Variants in CLIC5 observed in about 807,000 individuals in gnomAD.
CLIC5 encodes chloride intracellular channel protein 5.
CLIC5 carries 20 observed loss-of-function variants against 24.7 expected under a neutral mutation model. That is an observed-to-expected ratio of 0.81 (90% CI 0.57 to 1.18). The LOEUF (loss-of-function observed/expected upper bound fraction) is 1.18, where lower values mean the gene tolerates loss of function less well. Among genes scored for constraint, CLIC5 ranks in the 50% most tolerant of loss-of-function variants. The pLI, the probability that CLIC5 is intolerant of heterozygous loss-of-function variation, is 0.00. For synonymous variants in CLIC5, 159 were observed against 135.6 expected (o/e 1.17, Z -1.20); for missense variants, 341 against 326.1 (o/e 1.05, Z -0.35).
At chr6:46,038,097 C>G (rs1171279534) in intron 1 of CLIC5, among the ~76,000 whole-genome samples, 1 of 152,060 alleles carries the variant, frequency 6.6e-6, no homozygotes, top group Non-Finnish European at 1.5e-5. Flanking sequence ...CCTCTGGTAG[C>G]TATTCTTCAG....
chr6:45,901,361 C>T lies in CLIC5; in HGVS notation c.*1727G>A, dbSNP rs1762507554. On this transcript the variant is annotated 3_prime_UTR_variant, in exon 6 of 6. Transcript: ENST00000339561. ...TCTTCCTCAATGGGCTCTAGGAGAC[C>T]TCCTGCTTCCTCTCCTCTGATTTGA... The T allele has an allele frequency of 6.6e-6, 1 of 152,174 alleles. No individual in the cohort carries two copies. Among genetic ancestry groups the T allele is most frequent in the African/African-American group, 2.4e-5 (1 of 41,440 alleles). The allele number at this position is 152,174 out of a possible 1,614,324, so 9.4% of individuals were successfully genotyped here.
intron 1 of CLIC5, among the ~76,000 whole-genome samples, chr6:46,067,369 G>A (rs1005936348): frequency 6.6e-6 from 1 of 152,080 alleles, no homozygotes; most frequent in African/African-American, 2.4e-5. Context: ...TCTCCCCCTT[G>A]ATATTCTGAT....
intron 1 of CLIC5, among the ~76,000 whole-genome samples, chr6:46,036,266 C>T (rs77564025): frequency 6.7e-6 from 1 of 149,062 alleles, no homozygotes; most frequent in East Asian, 1.9e-4. Context: ...ATTAGTTTTC[C>T]TTTCATTCTT....
intron 1 of CLIC5, among the ~76,000 whole-genome samples, chr6:45,985,706 A>G (rs1008771067): frequency 2.0e-5 from 3 of 152,012 alleles, no homozygotes; most frequent in Non-Finnish European, 4.4e-5. Context: ...CTACCAGGCC[A>G]CTCTGGGTTG....
intron 4 of CLIC5, among the ~76,000 whole-genome samples, chr6:45,930,180 G>A (rs956833967): frequency 3.3e-5 from 5 of 152,106 alleles, no homozygotes; most frequent in East Asian, 1.9e-4. Flanking sequence ...CTTTCATGAC[G>A]CCTGGGGGAA....
intron 1 of CLIC5, among the ~76,000 whole-genome samples, chr6:46,029,167 G>T (rs990587472): frequency 6.6e-6 from 1 of 152,102 alleles, no homozygotes. Context: ...CCCTAGCAAT[G>T]AGCACAGTGC....
At chr6:46,111,621 C>T in the CLIC5 span, among the ~76,000 whole-genome samples, 2 of 152,120 alleles carry the variant, frequency 1.3e-5, no homozygotes, top group Admixed American at 6.6e-5. Flanking sequence ...GTTTTCTTTT[C>T]CCTTCCTTTT....
intron 4 of CLIC5, among the ~76,000 whole-genome samples, chr6:45,939,217 CTTTTTTTTT>C (rs34976541): frequency 1.7e-5 from 2 of 115,782 alleles, no homozygotes; most frequent in Admixed American, 8.9e-5. Context: ...CTCCTCTCCT[CTTTTTTTTT>C]TTTTTTTTTT....
chr6:46,015,821 C>CG lies in CLIC5; in HGVS notation c.-280dup. 1 of 1,163,218 alleles carries CG rather than the reference C, an allele frequency of 8.6e-7. No individual in the cohort carries two copies. Among genetic ancestry groups the CG allele is most frequent in the Non-Finnish European group, 1.1e-6 (1 of 943,524 alleles). 72.1% of individuals were successfully genotyped at this position (1,163,218 alleles called of 1,614,324 possible). On this transcript the variant is annotated 5_prime_UTR_variant, in exon 1 of 6. Coordinates refer to ENST00000339561, the MANE Select transcript of CLIC5 (RefSeq NM_016929.5). ...AACAGGTCGTGGGAGCAACAAGTGC[C>CG]GGGCTGCCCGGAGGTGTCACAGGAT...
At chr6:45,934,964 G>T (rs563477798) in intron 4 of CLIC5, among the ~76,000 whole-genome samples, 1 of 152,208 alleles carries the variant, frequency 6.6e-6, no homozygotes, top group African/African-American at 2.4e-5. Flanking sequence ...GACAGAACAT[G>T]AAATAAATCA....
chr6:46,052,928 C>T (rs1259876714), intron 1 of CLIC5, among the ~76,000 whole-genome samples: 1 of 151,842 alleles, frequency 6.6e-6, no homozygotes, highest in African/African-American at 2.4e-5. Context: ...TGCCACTCGG[C>T]CCTTATGATG....
rs778804284 is a variant in CLIC5, at chr6:45,949,321, G to A, written c.234C>T (p.Asn78=). Residue 78 remains asparagine, a synonymous_variant, in exon 3 of 6, where the codon AAC becomes AAT. Coordinates refer to ENST00000339561, the MANE Select transcript of CLIC5 (RefSeq NM_016929.5). ...TATTGACGTCTGTCTTCACGTCCCC[G>A]TTGAAGGTCAGGAAGGGCGGGTGCG... ...PGTHPPFLTF[N]GDVKTDVNKI... is the part of the protein sequence containing the mutation. The A allele has an allele frequency of 3.5e-5, 56 of 1,613,852 alleles. No homozygotes were observed. Among genetic ancestry groups the A allele is most frequent in the East Asian group, 6.7e-5 (3 of 44,880 alleles).
At chr6:45,959,097 G>A (rs1764765027) in intron 1 of CLIC5, among the ~76,000 whole-genome samples, 1 of 152,152 alleles carries the variant, frequency 6.6e-6, no homozygotes, top group Admixed American at 6.5e-5. Context: ...CCTTAGATAA[G>A]TTACCTCCTC....
intron 6 of CLIC5, among the ~76,000 whole-genome samples, chr6:45,887,220 C>T (rs991785549): frequency 2.6e-5 from 4 of 152,152 alleles, no homozygotes; most frequent in Non-Finnish European, 5.9e-5. Flanking sequence ...TTGGGAAAAC[C>T]AATTTATTCC....
chr6:46,125,603 G>A, the CLIC5 span, among the ~76,000 whole-genome samples: 2 of 151,588 alleles, frequency 1.3e-5, no homozygotes, highest in South Asian at 4.1e-4. Flanking sequence ...TTTTTAAAAA[G>A]TTAAAAAAAT....
At chr6:46,097,941 T>A in the CLIC5 span, among the ~76,000 whole-genome samples, 1 of 152,184 alleles carries the variant, frequency 6.6e-6, no homozygotes, top group Non-Finnish European at 1.5e-5. Flanking sequence ...TGTACACACG[T>A]CTTCTTACTG....
chr6:45,953,871 AAG>A (rs776627419), intron 2 of CLIC5, among the ~76,000 whole-genome samples: 1 of 152,134 alleles, frequency 6.6e-6, no homozygotes, highest in Non-Finnish European at 1.5e-5. Context: ...GAGAATGAAA[AAG>A]AGAGTTTGGA....
chr6:45,980,740 T>A (rs1279029731), intron 1 of CLIC5, among the ~76,000 whole-genome samples: 1 of 151,870 alleles, frequency 6.6e-6, no homozygotes, highest in Non-Finnish European at 1.5e-5. Context: ...ACCAAAACAT[T>A]ATCAGAAGTT....
rs139989194 is a variant in CLIC5, at chr6:46,076,531, C to T, written c.540+3172G>A. The stretch of plus-strand genomic sequence containing the variant: ...GAGGTGATGTGATGTGGGCCATGCG[C>T]GAGGAATGAGATCTGCTTCTAGAAG... On this transcript the variant is annotated intron_variant, in intron 1 of 5. Transcript: ENST00000185206. 4.7e-3 allele frequency among the ~76,000 whole-genome samples: 709 copies of T among 152,142 alleles called. 8 individuals carry two copies. Among genetic ancestry groups the T allele is most frequent in the African/African-American group, 0.015 (643 of 41,498 alleles).
Sources: allele counts gnomAD v4.1 joint callset (sites outside exome capture counted in the v4.1 genomes callset), GRCh38; gene constraint gnomAD v4.1.1; transcripts MANE v1.5; gene names NCBI Gene and HGNC (gene_info 2026-07-23, HGNC 2026-07-21).